Variants in UBR2 observed in about 807,000 individuals in gnomAD.
The protein encoded by UBR2 is ubiquitin protein ligase E3 component n-recognin 2.
Under a neutral mutation model 247.9 loss-of-function variants are expected in UBR2, and 92 were observed. The observed-to-expected ratio is 0.37, with a 90% CI of 0.31 to 0.44. The LOEUF (loss-of-function observed/expected upper bound fraction) is 0.44. Ranked by LOEUF, UBR2 falls within the 20% of genes least tolerant of loss-of-function variation. The pLI, the probability that UBR2 is intolerant of heterozygous loss-of-function variation, is 1.00. For synonymous variants in UBR2, 672 were observed against 693.5 expected (o/e 0.97, Z 0.49); for missense variants, 1,613 against 2,112.6 (o/e 0.76, Z 4.64).
intron 30 of UBR2, among the ~76,000 whole-genome samples, chr6:42,661,552 G>A (rs760352088): frequency 6.6e-6 from 1 of 152,172 alleles, no homozygotes; most frequent in African/African-American, 2.4e-5. Context: ...AATTCCAAAA[G>A]AAGCCAGACA....
intron 43 of UBR2, among the ~76,000 whole-genome samples, 182 bp from the exon 44 acceptor site, chr6:42,684,612 A>C (rs544312581): frequency 2.6e-5 from 4 of 151,986 alleles, no homozygotes; most frequent in East Asian, 3.9e-4. Flanking sequence ...AAAACAAAAA[A>C]AAAACTGTCT....
In UBR2 at chr6:42,617,444, T is replaced by C. The variant is rs1366828375; in HGVS notation, c.1218T>C (p.Asp406=). Reference sequence around the variant, plus strand: ...GTTTGCAGAGTGATTATGTGACAGATGACCACGACAGAGAGTTTTCAGTCG... The same window carrying C: ...GTTTGCAGAGTGATTATGTGACAGACGACCACGACAGAGAGTTTTCAGTCG... ...YERLQSDYVT[D]DHDREFSVAD... is the part of the protein sequence containing the mutation. Residue 406 remains aspartate (D), a synonymous_variant, in exon 11 of 47, where the codon GAT becomes GAC. Coordinates refer to ENST00000372901, the MANE Select transcript of UBR2 (RefSeq NM_001363705.2). 2.5e-6 allele frequency: 4 copies of C among 1,571,686 alleles called. No homozygotes were observed. Among genetic ancestry groups the C allele is most frequent in the Non-Finnish European group, 8.6e-7 (1 of 1,157,744 alleles).
At chr6:42,642,630 C>A (rs1473536445) in intron 18 of UBR2, 149 bp downstream of exon 18, 1 of 635,972 alleles carries the variant, frequency 1.6e-6, no homozygotes, top group African/African-American at 1.8e-5. Context: ...TGGCTAACAG[C>A]CTTTAGATCA....
At chr6:42,662,404 C>A in intron 31 of UBR2, 127 bp downstream of exon 31, 5 of 600,532 alleles carry the variant, frequency 8.3e-6, no homozygotes, top group East Asian at 2.9e-5. Flanking sequence ...CGTATCATTG[C>A]CTAATAAATA....
chr6:42,675,813 C>T (rs557276540), intron 38 of UBR2, among the ~76,000 whole-genome samples: 2 of 152,090 alleles, frequency 1.3e-5, no homozygotes, highest in South Asian at 2.1e-4. Context: ...TACAAAAAGT[C>T]GGGCATGATG....
At chr6:42,618,723 G>A (rs1267924633) in intron 11 of UBR2, among the ~76,000 whole-genome samples, 1 of 152,210 alleles carries the variant, frequency 6.6e-6, no homozygotes, top group Non-Finnish European at 1.5e-5. Context: ...AGATGCTAAA[G>A]CAATGACCCA....
chr6:42,641,459 A>G (rs1796441328), intron 16 of UBR2, 123 bp from the exon 17 acceptor site: 1 of 616,528 alleles, frequency 1.6e-6, no homozygotes. Context: ...AAAAATAATA[A>G]TAATAATAAT....
intron 10 of UBR2, among the ~76,000 whole-genome samples, chr6:42,616,387 A>T (rs553088751): frequency 5.3e-5 from 8 of 152,158 alleles, no homozygotes; most frequent in African/African-American, 1.9e-4. Context: ...TTCTATTAAA[A>T]TTCATATAAG....
chr6:42,651,970 TGTG>T (rs1176388021), intron 23 of UBR2, 50 bp from the exon 24 acceptor site: 41 of 1,500,954 alleles, frequency 2.7e-5, no homozygotes, highest in Non-Finnish European at 3.7e-5. Context: ...ATTAACCAGG[TGTG>T]GTGGTGGGCA....
At chr6:42,640,103 C>T (rs12204274) in intron 15 of UBR2, 106 bp from the exon 16 acceptor site, 183,122 of 840,126 alleles carry the variant, frequency 0.22, 20,963 homozygotes, top group Middle Eastern at 0.26. Context: ...GATAGGTTCC[C>T]AAAGAGAAAA....
intron 8 of UBR2, among the ~76,000 whole-genome samples, chr6:42,614,271 C>T (rs1345472322): frequency 7.1e-6 from 1 of 141,584 alleles, no homozygotes; most frequent in Non-Finnish European, 1.5e-5. Flanking sequence ...TACACACACA[C>T]GTACATATAT....
Position 42,603,571 on chromosome 6 carries a change from T to C in UBR2, c.532-17T>C. ...GCCCTTTTTTTCTTTTTCTTTTTTT[T>C]CTGTTGTTTCTTTCAGGATCCTCTT... On this transcript the variant is annotated splice_polypyrimidine_tract_variant and intron_variant, in intron 4 of 46. Transcript: ENST00000372901. 6.5e-7 allele frequency: 1 copy of C among 1,542,318 alleles called. No homozygotes were observed.
chr6:42,672,683 C>G (rs993436317), intron 36 of UBR2, among the ~76,000 whole-genome samples: 8 of 152,120 alleles, frequency 5.3e-5, no homozygotes, highest in Non-Finnish European at 1.0e-4. Context: ...CTAGAGTACC[C>G]TAAGCAGACT....
intron 35 of UBR2, 143 bp downstream of exon 35, chr6:42,670,383 A>G (rs1798359398): frequency 1.9e-6 from 2 of 1,080,540 alleles, no homozygotes; most frequent in Non-Finnish European, 1.3e-6. Flanking sequence ...AAGAAATGTA[A>G]TGTACTGACA....
intron 7 of UBR2, 149 bp downstream of exon 7, chr6:42,606,800 G>A (rs374442065): frequency 3.2e-6 from 2 of 618,028 alleles, no homozygotes; most frequent in Non-Finnish European, 5.4e-6. Flanking sequence ...TTGCATTATT[G>A]TTTTATCTAG....
At chr6:42,574,162 ATTATTC>A (rs1791351167) in intron 2 of UBR2, among the ~76,000 whole-genome samples, 169 bp downstream of exon 2, 1 of 152,128 alleles carries the variant, frequency 6.6e-6, no homozygotes, top group Admixed American at 6.6e-5. Flanking sequence ...CATTTTTGTA[ATTATTC>A]TTGATCAAAA....
Position 42,658,824 on chromosome 6 carries a change from G to T in UBR2, c.3242G>T (p.Ser1081Ile). 2 of 1,370,934 alleles carry T rather than the reference G, an allele frequency of 1.5e-6. No homozygotes were observed. Among genetic ancestry groups the T allele is most frequent in the Non-Finnish European group, 1.9e-6 (2 of 1,061,766 alleles). The allele number at this position is 1,370,934 out of a possible 1,614,324, so 84.9% of individuals were successfully genotyped here. A position where few individuals can be genotyped will look rare whatever the true frequency, so the allele number is the denominator to read the frequency against. ...DASTSAVLDHSPVASDMTLTA... is the reference protein window; with the variant it reads ...DASTSAVLDHIPVASDMTLTA... The stretch of plus-strand genomic sequence containing the variant: ...TCAACCTCTGCTGTTCTTGATCATA[G>T]GTAAAAAAAAAAAAAAAAAAAATTA... The change falls in exon 29 of 47, where the codon AGC (serine) becomes ATC (isoleucine). Residue 1081 changes from serine to isoleucine, a missense_variant and splice_region_variant. This residue lies in a region of UBR2 where 1,524 missense variants were observed against 1,967.3 expected (regional missense o/e 0.77). Coordinates refer to ENST00000372901, the MANE Select transcript of UBR2 (RefSeq NM_001363705.2).
At chr6:42,571,071 C>G (rs1259574399) in intron 1 of UBR2, among the ~76,000 whole-genome samples, 1 of 149,950 alleles carries the variant, frequency 6.7e-6, no homozygotes, top group Non-Finnish European at 1.5e-5. Context: ...GCTCTCGTTA[C>G]AGTTACTAGA....
chr6:42,654,322 T>G (rs987998407), intron 25 of UBR2, among the ~76,000 whole-genome samples: 1 of 152,194 alleles, frequency 6.6e-6, no homozygotes, highest in Non-Finnish European at 1.5e-5. Context: ...ATATTTACCT[T>G]ACATGTACAC....
Sources: gnomAD v4.1 joint callset for allele counts (sites outside exome capture counted in the v4.1 genomes callset) on GRCh38, gnomAD v4.1.1 for gene constraint, gnomAD v4.1.1 regional missense constraint, MANE v1.5 for transcripts, NCBI Gene and HGNC (gene_info 2026-07-23, HGNC 2026-07-21) for gene names.